PCLO: variants seen among roughly 807,000 people sequenced by gnomAD.
The protein encoded by PCLO is piccolo presynaptic cytomatrix protein, also known as protein piccolo.
Under a neutral mutation model 427.5 loss-of-function variants are expected in PCLO, and 82 were observed. The ratio of observed to expected loss-of-function variants is 0.19; its 90% CI spans 0.16 to 0.23. The LOEUF (loss-of-function observed/expected upper bound fraction) is 0.23, where lower values mean the gene tolerates loss of function less well. Among genes scored for constraint, PCLO ranks in the 10% least tolerant of loss-of-function variants. The pLI, the probability that PCLO is intolerant of heterozygous loss-of-function variation, is 1.00. For missense variants in PCLO, 6,239 were observed against 6,115.9 expected, an observed-to-expected ratio of 1.02 and a Z score of -0.67; for synonymous variants, 2,357 against 2,155.4, an observed-to-expected ratio of 1.09 and a Z score of -2.59.
intron 3 of PCLO, among the ~76,000 whole-genome samples, chr7:83,008,670 C>T (rs961429518): frequency 6.6e-6 from 1 of 151,510 alleles, no homozygotes; most frequent in Admixed American, 6.6e-5. Context: ...GAATGCTTTG[C>T]AGGGTTAGGT....
intron 3 of PCLO, among the ~76,000 whole-genome samples, chr7:82,997,200 C>T (rs1056395450): frequency 1.1e-4 from 17 of 151,866 alleles, no homozygotes; most frequent in Non-Finnish European, 2.9e-5. Context: ...AGTACACCAG[C>T]TGATCCCTGC....
chr7:82,883,955 G>T (rs998147388), intron 9 of PCLO, among the ~76,000 whole-genome samples: 1 of 152,028 alleles, frequency 6.6e-6, no homozygotes, highest in Admixed American at 6.6e-5. Flanking sequence ...ACTTTTGGTA[G>T]ACAGGGGTTT....
At chr7:83,101,151 A>T (rs11972175) in intron 3 of PCLO, among the ~76,000 whole-genome samples, 69,534 of 151,492 alleles carry the variant, frequency 0.46, 16,374 homozygotes, top group East Asian at 0.71. Context: ...TTTCATAGTT[A>T]AATATAAGCA....
At chr7:82,943,460 T>C (rs1179369966) in intron 6 of PCLO, among the ~76,000 whole-genome samples, 1 of 151,474 alleles carries the variant, frequency 6.6e-6, no homozygotes, top group African/African-American at 2.4e-5. Context: ...ACAAACTAAT[T>C]TTTTTGATAG....
At chr7:82,957,802 T>C (rs1795562494) in intron 4 of PCLO, among the ~76,000 whole-genome samples, 1 of 152,166 alleles carries the variant, frequency 6.6e-6, no homozygotes, top group Non-Finnish European at 1.5e-5. Flanking sequence ...AAAAGCAGCT[T>C]CCTTAAACAA....
At chr7:83,084,094 C>A (rs1480285041) in intron 3 of PCLO, among the ~76,000 whole-genome samples, 2 of 152,026 alleles carry the variant, frequency 1.3e-5, no homozygotes, top group African/African-American at 4.8e-5. Context: ...ACTTTGTCAA[C>A]TACAGATCCT....
intron 3 of PCLO, among the ~76,000 whole-genome samples, chr7:83,046,134 G>A (rs1354971838): frequency 6.6e-6 from 1 of 151,938 alleles, no homozygotes; most frequent in Non-Finnish European, 1.5e-5. Flanking sequence ...TTGGATTAGG[G>A]CCCATCCTAA....
intron 3 of PCLO, among the ~76,000 whole-genome samples, chr7:83,008,613 G>A (rs1005113179): frequency 2.0e-5 from 3 of 151,558 alleles, no homozygotes; most frequent in East Asian, 1.9e-4. Context: ...GTTTCCTATC[G>A]TGGATTCCTG....
chr7:83,137,835 ATAAC>A (rs1442099274), intron 2 of PCLO, among the ~76,000 whole-genome samples: 1 of 152,258 alleles, frequency 6.6e-6, no homozygotes, highest in Non-Finnish European at 1.5e-5. Flanking sequence ...CACAAAATAA[ATAAC>A]TCTTTATACA....
At chr7:82,960,052 C>T (rs1176543021) in intron 4 of PCLO, among the ~76,000 whole-genome samples, 2 of 152,130 alleles carry the variant, frequency 1.3e-5, no homozygotes, top group Non-Finnish European at 2.9e-5. Context: ...TTCACAAAAG[C>T]CTTCCATATT....
chr7:82,946,557 G>A (rs1795208519), intron 6 of PCLO, among the ~76,000 whole-genome samples: 1 of 152,078 alleles, frequency 6.6e-6, no homozygotes, highest in African/African-American at 2.4e-5. Context: ...GCAGAAATCT[G>A]TATGTAGGAG....
chr7:82,865,635 T>C (rs1299240111), intron 10 of PCLO, among the ~76,000 whole-genome samples: 2 of 151,982 alleles, frequency 1.3e-5, no homozygotes, highest in Non-Finnish European at 2.9e-5. Context: ...TGCTGTATTA[T>C]GCAGGGATTT....
intron 1 of PCLO, among the ~76,000 whole-genome samples, chr7:83,160,834 T>C (rs1792417285): frequency 6.6e-6 from 1 of 152,016 alleles, no homozygotes; most frequent in Non-Finnish European, 1.5e-5. Flanking sequence ...TAGGAAAAAA[T>C]ATAAAAGATC....
intron 2 of PCLO, among the ~76,000 whole-genome samples, chr7:83,146,719 G>A (rs772415159): frequency 4.6e-5 from 7 of 151,648 alleles, no homozygotes; most frequent in Non-Finnish European, 8.8e-5. Flanking sequence ...GCCTCACTCA[G>A]ACTCCAGAGT....
intron 10 of PCLO, among the ~76,000 whole-genome samples, chr7:82,851,936 GATTTTA>G (rs1185750841): frequency 6.6e-6 from 1 of 151,928 alleles, no homozygotes; most frequent in East Asian, 1.9e-4. Context: ...TAGAGAAGTG[GATTTTA>G]TTTTTTAAAT....
intron 22 of PCLO, among the ~76,000 whole-genome samples, chr7:82,785,314 A>G (rs1790962590): frequency 1.3e-5 from 2 of 152,090 alleles, no homozygotes; most frequent in South Asian, 4.2e-4. Context: ...AAGAGAATCT[A>G]ATGCCACTGC....
chr7:83,126,164 C>T (rs1562977252), intron 3 of PCLO, among the ~76,000 whole-genome samples: 1 of 152,010 alleles, frequency 6.6e-6, no homozygotes, highest in Admixed American at 6.6e-5. Context: ...TATGTGGGAA[C>T]TAAAAATTAA....
chr7:83,140,244 C>T (rs1791828563), intron 2 of PCLO, among the ~76,000 whole-genome samples: 1 of 152,108 alleles, frequency 6.6e-6, no homozygotes, highest in Admixed American at 6.6e-5. Context: ...ATTTCCAAAG[C>T]CACTGTCTCT....
chr7:83,015,984 T>TAA lies in PCLO; in HGVS notation c.3301-49499_3301-49498dup, dbSNP rs57001012. ...TCACAGATTCTTGTGTCTATTTCCTTAAAAAAAAATGCAAAAATTGGCAGC... is the reference window on the plus strand; with the variant it reads ...TCACAGATTCTTGTGTCTATTTCCTTAAAAAAAAAAATGCAAAAATTGGCAGC... On this transcript the variant is annotated intron_variant, in intron 3 of 24. Coordinates refer to ENST00000333891, the MANE Select transcript of PCLO (RefSeq NM_033026.6). 4.6e-5 allele frequency among the ~76,000 whole-genome samples: 7 copies of TAA among 151,646 alleles called. No homozygotes were observed. The South Asian group carries it at 6.2e-4, about 13-fold the overall frequency.
Sources: allele counts gnomAD v4.1 joint callset (sites outside exome capture counted in the v4.1 genomes callset), GRCh38; gene constraint gnomAD v4.1.1; transcripts MANE v1.5; gene names NCBI Gene and HGNC (gene_info 2026-07-23, HGNC 2026-07-21).